Variants in NUP153 observed in about 807,000 individuals in gnomAD.
NUP153 encodes the protein nucleoporin 153, also known as nuclear pore complex protein Nup153.
NUP153 carries 27 observed loss-of-function variants against 134.6 expected under a neutral mutation model. That is an observed-to-expected ratio of 0.20 (90% confidence interval 0.15 to 0.28). The LOEUF is 0.28. NUP153 is among the 10% of genes least tolerant of loss of function. The pLI is 1.00. For missense variants in NUP153, 1,821 were observed against 1,731.3 expected, an observed-to-expected ratio of 1.05 and a Z score of -0.92; for synonymous variants, 640 against 623.5, an observed-to-expected ratio of 1.03 and a Z score of -0.40.
intron 12 of NUP153, among the ~76,000 whole-genome samples, 166 bp downstream of exon 12, chr6:17,648,997 A>G (rs1766364828): frequency 6.6e-6 from 1 of 152,200 alleles, no homozygotes; most frequent in Non-Finnish European, 1.5e-5. Context: ...TATCCAAGAT[A>G]TTTGTACATT....
At chr6:17,689,923 T>G (rs992093277) in intron 1 of NUP153, among the ~76,000 whole-genome samples, 3 of 152,224 alleles carry the variant, frequency 2.0e-5, no homozygotes, top group Non-Finnish European at 2.9e-5. Context: ...GACACTATTC[T>G]AAGCAATTTA....
rs1173128883 is a variant in NUP153, at chr6:17,675,196, A to G, written c.723+33T>C. ...TTATAAGCAATAAACACTCAAAACT[A>G]ATGTGATTAAATCCAACCCAGTTAG... On this transcript the variant is annotated intron_variant, in intron 4 of 21. Transcript: ENST00000262077. This position sits in a 1 kb window ranked among gnomAD's most constrained non-coding sequence, Gnocchi z 4.4. 3 of 1,608,992 alleles carry G rather than the reference A, an allele frequency of 1.9e-6. No homozygotes were observed. The highest frequency in any genetic ancestry group is 2.5e-6 in the Non-Finnish European group (3 of 1,178,068).
intron 17 of NUP153, among the ~76,000 whole-genome samples, chr6:17,630,762 G>A (rs373329637): frequency 2.7e-5 from 4 of 149,932 alleles, no homozygotes; most frequent in East Asian, 2.0e-4. Flanking sequence ...GGAGGGGAGA[G>A]GGGAGAGGGG....
In NUP153 at chr6:17,662,073, G is replaced by A; in HGVS notation, c.1216-3C>T. 6.2e-7 allele frequency: 1 copy of A among 1,611,424 alleles called. No individual in the cohort carries two copies. ...GTCATATTTTTTTCATATCCAGTCT[G>A]CAGGGGAAATACACACATATTTACG... is the stretch of plus-strand genomic sequence containing the variant. On this transcript the variant is annotated splice_polypyrimidine_tract_variant and splice_region_variant and intron_variant, in intron 9 of 21. Coordinates refer to ENST00000262077, the MANE Select transcript of NUP153 (RefSeq NM_005124.4).
chr6:17,657,399 A>AT (rs1273736027), intron 11 of NUP153, among the ~76,000 whole-genome samples: 168 of 149,252 alleles, frequency 1.1e-3, no homozygotes, highest in Admixed American at 2.2e-3. Context: ...AAAATAAAAA[A>AT]ATAAAAAAAA....
intron 1 of NUP153, among the ~76,000 whole-genome samples, chr6:17,695,732 G>A (rs1055681649): frequency 6.6e-6 from 1 of 152,176 alleles, no homozygotes; most frequent in Admixed American, 6.5e-5. Flanking sequence ...ACAGGGGGCT[G>A]GGCACGGTGG....
chr6:17,626,822 A>G (rs561318168), intron 18 of NUP153, among the ~76,000 whole-genome samples: 2 of 152,314 alleles, frequency 1.3e-5, no homozygotes, highest in South Asian at 4.1e-4. Flanking sequence ...TAGCTTGTCA[A>G]GCTCTACAAA....
At chr6:17,702,263 T>C (rs959661156) in intron 1 of NUP153, among the ~76,000 whole-genome samples, 1 of 152,186 alleles carries the variant, frequency 6.6e-6, no homozygotes, top group East Asian at 1.9e-4. Context: ...ATACCAGCAC[T>C]TTGGGAGGCC....
In NUP153 at chr6:17,638,245, A is replaced by G. The variant is rs1047381482; in HGVS notation, c.1847-475T>C. 6.6e-6 allele frequency among the ~76,000 whole-genome samples: 1 copy of G among 152,094 alleles called. No homozygotes were observed. Among genetic ancestry groups the G allele is most frequent in the Admixed American group, 6.5e-5 (1 of 15,284 alleles). ...CTGTGGTATTCTCTACCTTCAGTAA[A>G]ATCAGCTGAGCAAGTCCTTCTGTTA... On this transcript the variant is annotated intron_variant, in intron 15 of 21. Transcript: ENST00000262077. This position sits in a 1 kb window ranked among gnomAD's most constrained non-coding sequence, Gnocchi z 4.0.
rs758722235 is a variant in NUP153, at chr6:17,637,186, T to C, written c.2431A>G (p.Asn811Asp). Residue 811 changes from asparagine to aspartate, a missense_variant, in exon 16 of 22, where the codon AAT becomes GAT. Physicochemically the swap from Asn to Asp is conservative, Grantham distance 23. Coordinates refer to ENST00000262077, the MANE Select transcript of NUP153 (RefSeq NM_005124.4). ...TCAGACATACAGGACACACACTTAT[T>C]GTCTTCTGCATTATTAGAAACACAG... Reference protein sequence around the residue: ...VCCVSNNAEDNKCVSCMSEKP... With the variant: ...VCCVSNNAEDDKCVSCMSEKP... The C allele has an allele frequency of 2.5e-6, 4 of 1,613,698 alleles. No individual in the cohort carries two copies. Among genetic ancestry groups the C allele is most frequent in the Non-Finnish European group, 2.5e-6 (3 of 1,179,614 alleles).
Position 17,675,365 on chromosome 6 carries a change from A to G in NUP153, c.587T>C (p.Ile196Thr). The change falls in exon 4 of 22, where the codon ATA becomes ACA. Residue 196 changes from isoleucine to threonine, a missense_variant. Ile to Thr is a moderately conservative substitution (Grantham distance 89). Transcript: ENST00000262077. The surrounding 1 kb of genome is among the most constrained non-coding windows in gnomAD (Gnocchi z 4.4). ...CAATGAAGTGTTCTTTGAAACAGTT[A>G]TATCTGAAACAAAATTACATAATCC... ...GFSSRASDKDITVSKNTSLPP... is the reference protein window; with the variant it reads ...GFSSRASDKDTTVSKNTSLPP... The G allele has an allele frequency of 6.2e-7, 1 of 1,613,668 alleles. No homozygotes were observed. The highest frequency in any genetic ancestry group is 8.5e-7 in the Non-Finnish European group (1 of 1,179,756).
At chr6:17,682,140 C>T (rs932841739) in intron 2 of NUP153, among the ~76,000 whole-genome samples, 2 of 152,098 alleles carry the variant, frequency 1.3e-5, no homozygotes, top group African/African-American at 4.8e-5. Context: ...GAGTCACACA[C>T]GTTTTTGGTT....
At chr6:17,660,568 A>C (rs71556128) in intron 11 of NUP153, among the ~76,000 whole-genome samples, 1 of 151,568 alleles carries the variant, frequency 6.6e-6, no homozygotes, top group Non-Finnish European at 1.5e-5. Context: ...ATATACATAC[A>C]TATTTCTTAA....
chr6:17,682,129 T>C (rs1768617476), intron 2 of NUP153, among the ~76,000 whole-genome samples: 1 of 152,138 alleles, frequency 6.6e-6, no homozygotes, highest in South Asian at 2.1e-4. Flanking sequence ...GAATGTAAAG[T>C]GAGTCACACA....
At chr6:17,655,243 A>G (rs550622467) in intron 11 of NUP153, among the ~76,000 whole-genome samples, 16 of 152,310 alleles carry the variant, frequency 1.1e-4, no homozygotes, top group African/African-American at 3.4e-4. Flanking sequence ...GTGAAAGGTA[A>G]AAGATCATTC....
At chr6:17,618,812 C>T (rs185427783) in intron 20 of NUP153, among the ~76,000 whole-genome samples, 1,573 of 152,216 alleles carry the variant, frequency 0.01, 12 homozygotes, top group Non-Finnish European at 0.015. Context: ...GTGATCTGCC[C>T]GCCTTGGCCT....
chr6:17,675,397 A>G lies in NUP153; in HGVS notation c.584-29T>C, dbSNP rs763572338. 1 of 1,605,484 alleles carries G rather than the reference A, an allele frequency of 6.2e-7. No individual in the cohort carries two copies. The highest frequency in any genetic ancestry group is 8.5e-7 in the Non-Finnish European group (1 of 1,174,068). On this transcript the variant is annotated intron_variant, in intron 3 of 21. Transcript: ENST00000262077. This position sits in a 1 kb window ranked among gnomAD's most constrained non-coding sequence, Gnocchi z 4.4. ...AAACAAAATTACATAATCCATAGTA[A>G]TAACACCAATACAAGAGCCTAGATT...
chr6:17,632,045 A>G (rs1026365615), intron 17 of NUP153, among the ~76,000 whole-genome samples: 1 of 152,196 alleles, frequency 6.6e-6, no homozygotes, highest in Non-Finnish European at 1.5e-5. Context: ...CTTATATAGT[A>G]AAATATTAAG....
chr6:17,626,257 C>A (rs986494697), intron 18 of NUP153, 93 bp from the exon 19 acceptor site: 21 of 888,420 alleles, frequency 2.4e-5, no homozygotes, highest in Admixed American at 9.8e-5. Flanking sequence ...AATTTTCCTA[C>A]CCTAGAATTC....
Sources: allele counts gnomAD v4.1 joint callset (sites outside exome capture counted in the v4.1 genomes callset), GRCh38; gene constraint gnomAD v4.1.1; non-coding constraint Gnocchi (gnomAD v3.1); transcripts MANE v1.5; gene names NCBI Gene and HGNC (gene_info 2026-07-23, HGNC 2026-07-21).